GALNT14: variants seen among roughly 807,000 people sequenced by gnomAD.
GALNT14 encodes the protein UDP-GalNAc:polypeptide N-acetylgalactosaminyltransferase 14.
A neutral mutation model predicts 77.5 loss-of-function variants in GALNT14; 60 were observed. That is an observed-to-expected ratio of 0.77 (90% confidence interval 0.63 to 0.96). The LOEUF (loss-of-function observed/expected upper bound fraction) is 0.96, where lower values mean the gene tolerates loss of function less well. Among genes scored for constraint, GALNT14 ranks in the 40% least tolerant of loss-of-function variants. The pLI, the probability that GALNT14 is intolerant of heterozygous loss-of-function variation, is 0.00. For synonymous variants in GALNT14, 280 were observed against 281.7 expected (o/e 0.99, Z 0.06); for missense variants, 710 against 731.0 (o/e 0.97, Z 0.33).
chr2:30,959,435 T>C (rs1667557430), intron 3 of GALNT14, among the ~76,000 whole-genome samples: 1 of 152,176 alleles, frequency 6.6e-6, no homozygotes, highest in South Asian at 2.1e-4. Context: ...ACCTACTATG[T>C]GCTCAGCACT....
At chr2:31,018,944 G>C (rs1181154665) in intron 1 of GALNT14, among the ~76,000 whole-genome samples, 1 of 152,144 alleles carries the variant, frequency 6.6e-6, no homozygotes, top group Non-Finnish European at 1.5e-5. Flanking sequence ...GAATGAATGA[G>C]TGACCCCAGG....
At chr2:31,122,154 T>C (rs1248095496) in intron 1 of GALNT14, among the ~76,000 whole-genome samples, 1 of 152,174 alleles carries the variant, frequency 6.6e-6, no homozygotes. Context: ...TTAAAATGGC[T>C]GTGTGATGCC....
chr2:31,090,786 G>T (rs752659683), intron 1 of GALNT14, among the ~76,000 whole-genome samples: 2 of 151,310 alleles, frequency 1.3e-5, no homozygotes, highest in Non-Finnish European at 1.5e-5. Context: ...CCCTAAAGAT[G>T]AAGGGAAGGC....
intron 2 of GALNT14, among the ~76,000 whole-genome samples, chr2:30,975,199 C>G (rs527583663): frequency 3.7e-4 from 57 of 152,306 alleles, no homozygotes; most frequent in Middle Eastern, 3.4e-3. Flanking sequence ...TAAGTTTTGT[C>G]TGTTATGCTG....
chr2:31,004,250 C>T (rs1670538095), intron 1 of GALNT14, among the ~76,000 whole-genome samples: 1 of 152,130 alleles, frequency 6.6e-6, no homozygotes, highest in South Asian at 2.1e-4. Flanking sequence ...GGCAGGGAGC[C>T]AGGTATCCAC....
chr2:31,001,479 G>A (rs1670365895), intron 1 of GALNT14, among the ~76,000 whole-genome samples: 2 of 152,180 alleles, frequency 1.3e-5, no homozygotes, highest in Admixed American at 6.5e-5. Context: ...TGAGTCTTCT[G>A]TAATTAAGCC....
At chr2:30,993,544 A>G (rs931513457) in intron 1 of GALNT14, among the ~76,000 whole-genome samples, 2 of 152,238 alleles carry the variant, frequency 1.3e-5, no homozygotes, top group Admixed American at 1.3e-4. Flanking sequence ...AGGAAGGAGG[A>G]GTTCCGTCTA....
chr2:30,923,464 C>T (rs1665167392), intron 13 of GALNT14, among the ~76,000 whole-genome samples: 1 of 152,148 alleles, frequency 6.6e-6, no homozygotes, highest in African/African-American at 2.4e-5. Context: ...TCCCAAAAAA[C>T]ATGGCAGGGA....
intron 1 of GALNT14, among the ~76,000 whole-genome samples, chr2:31,031,772 T>G (rs1412396489): frequency 6.6e-6 from 1 of 152,126 alleles, no homozygotes; most frequent in Admixed American, 6.5e-5. Flanking sequence ...TGACTTTGAG[T>G]GCAGGATCTT....
chr2:31,009,242 T>G (rs1468756721), intron 1 of GALNT14, among the ~76,000 whole-genome samples: 1 of 152,188 alleles, frequency 6.6e-6, no homozygotes, highest in African/African-American at 2.4e-5. Context: ...TACTGGATGC[T>G]CAGCACTAAG....
At chr2:31,072,122 G>C (rs960728131) in intron 1 of GALNT14, among the ~76,000 whole-genome samples, 5 of 152,162 alleles carry the variant, frequency 3.3e-5, no homozygotes, top group Non-Finnish European at 7.4e-5. Context: ...AGCATTTCAA[G>C]ATGGAAGGGT....
intron 1 of GALNT14, among the ~76,000 whole-genome samples, chr2:31,063,959 G>C (rs1674773886): frequency 6.6e-6 from 1 of 152,192 alleles, no homozygotes; most frequent in Non-Finnish European, 1.5e-5. Context: ...GAAAAGATTT[G>C]AGAAGGCAGC....
intron 1 of GALNT14, among the ~76,000 whole-genome samples, chr2:31,123,257 A>G (rs1038414962): frequency 6.6e-6 from 1 of 151,768 alleles, no homozygotes; most frequent in South Asian, 2.1e-4. Flanking sequence ...TTCATGTGTC[A>G]TGAAATATTA....
chr2:31,030,054 A>C (rs1472314602), intron 1 of GALNT14, among the ~76,000 whole-genome samples: 4 of 152,152 alleles, frequency 2.6e-5, no homozygotes, highest in Non-Finnish European at 4.4e-5. Context: ...TTTGATTATT[A>C]TTTTCGTGTC....
At chr2:30,889,890 T>G in the GALNT14 span, among the ~76,000 whole-genome samples, 2 of 152,238 alleles carry the variant, frequency 1.3e-5, no homozygotes, top group African/African-American at 4.8e-5. Context: ...TCAAGTATTT[T>G]CTTGCTTGCC....
intron 9 of GALNT14, among the ~76,000 whole-genome samples, chr2:30,933,630 C>T (rs1014225815): frequency 6.6e-6 from 1 of 152,162 alleles, no homozygotes; most frequent in South Asian, 2.1e-4. Context: ...CTGGATTCCC[C>T]TCAGGGTGGG....
In GALNT14 at chr2:30,966,198, C is replaced by T. The variant is rs1393584669; in HGVS notation, c.398+6G>A. The T allele has an allele frequency of 6.2e-7, 1 of 1,612,600 alleles. No individual in the cohort carries two copies. Among genetic ancestry groups the T allele is most frequent in the Non-Finnish European group, 8.5e-7 (1 of 1,178,730 alleles). On this transcript the variant is annotated splice_donor_region_variant and intron_variant, in intron 3 of 14. Coordinates refer to ENST00000349752, the MANE Select transcript of GALNT14 (RefSeq NM_024572.4). The stretch of plus-strand genomic sequence containing the variant: ...GCTGGCCAACAGACAAGCAAGGATG[C>T]CTCACCTGCGGATGGTCCTGAGCAG...
chr2:30,928,866 C>T (rs775032815), intron 11 of GALNT14, among the ~76,000 whole-genome samples: 1 of 152,130 alleles, frequency 6.6e-6, no homozygotes, highest in East Asian at 1.9e-4. Context: ...TCACCCACCT[C>T]GGCCTCCCAA....
At chr2:31,012,386 A>C (rs180763885) in intron 1 of GALNT14, among the ~76,000 whole-genome samples, 1 of 152,256 alleles carries the variant, frequency 6.6e-6, no homozygotes, top group Non-Finnish European at 1.5e-5. Context: ...GGCAGCACCT[A>C]TAGTTACCTG....
Sources: allele counts gnomAD v4.1 joint callset (sites outside exome capture counted in the v4.1 genomes callset), GRCh38; gene constraint gnomAD v4.1.1; transcripts MANE v1.5; gene names NCBI Gene and HGNC (gene_info 2026-07-23, HGNC 2026-07-21).